FNDC1: variants seen among roughly 807,000 people sequenced by gnomAD.
The protein encoded by FNDC1 is fibronectin type III domain containing 1.
FNDC1 carries 96 observed loss-of-function variants against 168.0 expected under a neutral mutation model. The ratio of observed to expected loss-of-function variants is 0.57; its 90% confidence interval spans 0.48 to 0.68. The LOEUF (loss-of-function observed/expected upper bound fraction) is 0.68. Ranked by LOEUF, FNDC1 falls within the 30% of genes least tolerant of loss-of-function variation. The pLI, the probability that FNDC1 is intolerant of heterozygous loss-of-function variation, is 0.00. For synonymous variants in FNDC1, 1,099 were observed against 1,025.9 expected (o/e 1.07, Z -1.36); for missense variants, 2,587 against 2,482.1 (o/e 1.04, Z -0.90).
chr6:159,173,280 C>T (rs1329522794), intron 1 of FNDC1, among the ~76,000 whole-genome samples: 1 of 37,846 alleles, frequency 2.6e-5, no homozygotes, highest in East Asian at 1.3e-3. Flanking sequence ...GGCTAGTCTC[C>T]GCGCTTCAGA....
In FNDC1 at chr6:159,239,660, A is replaced by G; in HGVS notation, c.4324A>G (p.Lys1442Glu). The change falls in exon 14 of 23, where the codon AAA becomes GAA. Residue 1442 changes from lysine to glutamate, a missense_variant. Coordinates refer to ENST00000297267, the MANE Select transcript of FNDC1 (RefSeq NM_032532.3). ...KPLVGLEVIK[K>E]TTHPPTTTMQ... ...GCTGGTGGGCTTGGAGGTCATCAAA[A>G]AAACCACCCATCCCCCTACCACTAC... 3.9e-6 allele frequency: 6 copies of G among 1,552,122 alleles called. No homozygotes were observed. The highest frequency in any genetic ancestry group is 5.2e-6 in the Non-Finnish European group (6 of 1,147,210).
chr6:159,188,316 A>T (rs993797586), intron 1 of FNDC1, among the ~76,000 whole-genome samples: 1 of 151,208 alleles, frequency 6.6e-6, no homozygotes, highest in Non-Finnish European at 1.5e-5. Flanking sequence ...GCTGCTGTGA[A>T]TGCTCCACTA....
chr6:159,211,449 T>A (rs1364106410), intron 4 of FNDC1, among the ~76,000 whole-genome samples: 1 of 152,240 alleles, frequency 6.6e-6, no homozygotes, highest in Non-Finnish European at 1.5e-5. Context: ...TAGATGTTGA[T>A]GAAGATGAAT....
intron 5 of FNDC1, among the ~76,000 whole-genome samples, chr6:159,217,140 G>A (rs1459489129): frequency 6.6e-6 from 1 of 152,226 alleles, no homozygotes; most frequent in Non-Finnish European, 1.5e-5. Flanking sequence ...CTTCAGACAA[G>A]GAGGGGGATG....
At chr6:159,267,680 A>G (rs1777617979) in intron 21 of FNDC1, 124 bp from the exon 22 acceptor site, 3 of 966,014 alleles carry the variant, frequency 3.1e-6, no homozygotes, top group South Asian at 1.7e-5. Context: ...CATGAAAAAT[A>G]CAGCACACAC....
chr6:159,265,657 C>T (rs779589493), intron 20 of FNDC1, among the ~76,000 whole-genome samples: 3 of 152,180 alleles, frequency 2.0e-5, no homozygotes, highest in African/African-American at 4.8e-5. Context: ...AGGCCGGGCG[C>T]GGTGGCTCAT....
chr6:159,266,374 C>A (rs1777593518), intron 21 of FNDC1, 129 bp downstream of exon 21: 1 of 933,980 alleles, frequency 1.1e-6, no homozygotes, highest in African/African-American at 1.6e-5. Flanking sequence ...CACTCTGCCT[C>A]TAATACAAAC....
At chr6:159,226,918 A>G (rs1272974162) in intron 9 of FNDC1, among the ~76,000 whole-genome samples, 1 of 152,220 alleles carries the variant, frequency 6.6e-6, no homozygotes, top group Non-Finnish European at 1.5e-5. Flanking sequence ...AAGATCACGA[A>G]AGCAGGTGTC....
At chr6:159,269,421 GTAT>G (rs1232848089) in intron 22 of FNDC1, among the ~76,000 whole-genome samples, 2 of 113,078 alleles carry the variant, frequency 1.8e-5, no homozygotes, top group African/African-American at 5.9e-5. Flanking sequence ...ATGTATGTAT[GTAT>G]GTAGGTATCC....
rs140260800 is a variant in FNDC1 at position 159,246,851 on chromosome 6, C to T, written c.4622-50C>T. ...GCTCTGGGGCCTGCTTCTGAGAGAACCCTGGAGAAGGAGCGCTGGATGACT... is the reference window on the plus strand; with the variant it reads ...GCTCTGGGGCCTGCTTCTGAGAGAATCCTGGAGAAGGAGCGCTGGATGACT... On this transcript the variant is annotated intron_variant, in intron 14 of 22. Transcript: ENST00000297267. 12 of 1,349,350 alleles carry T rather than the reference C, an allele frequency of 8.9e-6. No homozygotes were observed. In the African/African-American group the frequency reaches 1.6e-4, roughly 18 times the overall value. 83.6% of individuals were successfully genotyped at this position (1,349,350 alleles called of 1,614,324 possible). A position where few individuals can be genotyped will look rare whatever the true frequency, so the allele number is the denominator to read the frequency against.
intron 14 of FNDC1, among the ~76,000 whole-genome samples, chr6:159,241,523 A>G (rs552490272): frequency 1.3e-5 from 2 of 152,248 alleles, no homozygotes; most frequent in Admixed American, 6.5e-5. Flanking sequence ...AAGCTAAAGA[A>G]TAATTTTCCT....
At position 159,247,928 on chromosome 6, in the gene FNDC1, C is replaced by T. The variant is rs532797815; in HGVS notation, c.4690+959C>T. 2.1e-4 allele frequency among the ~76,000 whole-genome samples: 32 copies of T among 152,246 alleles called. No homozygotes were observed. In the South Asian group the frequency reaches 2.5e-3, roughly 12 times the overall value. On this transcript the variant is annotated intron_variant, in intron 15 of 22. Coordinates refer to ENST00000297267, the MANE Select transcript of FNDC1 (RefSeq NM_032532.3). Reference sequence around the variant, plus strand: ...AAGGAATCTTGTCCACACCCAGTGCCGGCCTTTGACACCAGGGCTCAGGAT... The same window carrying T: ...AAGGAATCTTGTCCACACCCAGTGCTGGCCTTTGACACCAGGGCTCAGGAT...
At chr6:159,264,687 A>T (rs1271653818) in intron 19 of FNDC1, among the ~76,000 whole-genome samples, 2 of 152,164 alleles carry the variant, frequency 1.3e-5, no homozygotes, top group East Asian at 3.8e-4. Context: ...AAGGTAGACA[A>T]TTTTTTTAAA....
chr6:159,232,271 C>A lies in FNDC1; in HGVS notation c.1759C>A (p.Arg587=). The change falls in exon 11 of 23, where the codon CGG becomes AGG. Residue 587 remains arginine (R), a synonymous_variant. Transcript: ENST00000297267. This position sits in a 1 kb window ranked among gnomAD's most constrained non-coding sequence, Gnocchi z 4.9. ...VAPGRTAVRA[R]MPALPRREGV... ...TCCCGGCAGGACTGCAGTGAGGGCC[C>A]GGATGCCAGCGCTGCCCCGAAGGGA... The A allele has an allele frequency of 6.2e-7, 1 of 1,610,328 alleles. No homozygotes were observed. Among genetic ancestry groups the A allele is most frequent in the Non-Finnish European group, 8.5e-7 (1 of 1,178,356 alleles).
intron 21 of FNDC1, among the ~76,000 whole-genome samples, chr6:159,266,771 G>A (rs916691913): frequency 6.7e-6 from 1 of 150,138 alleles, no homozygotes; most frequent in Non-Finnish European, 1.5e-5. Flanking sequence ...TCCAGCCCCT[G>A]ACACAGCCAC....
At chr6:159,227,923 C>A (rs1583887947) in intron 9 of FNDC1, among the ~76,000 whole-genome samples, 1 of 152,208 alleles carries the variant, frequency 6.6e-6, no homozygotes, top group African/African-American at 2.4e-5. Flanking sequence ...CTGTGGGCCA[C>A]AGGTTGAACA....
intron 14 of FNDC1, among the ~76,000 whole-genome samples, chr6:159,244,435 C>T (rs1347608916): frequency 6.6e-6 from 1 of 152,220 alleles, no homozygotes; most frequent in Non-Finnish European, 1.5e-5. Context: ...GTCATTGCCT[C>T]AAGGGCCATC....
intron 4 of FNDC1, among the ~76,000 whole-genome samples, chr6:159,207,424 C>T (rs1490881384): frequency 1.3e-5 from 2 of 152,154 alleles, no homozygotes; most frequent in African/African-American, 4.8e-5. Flanking sequence ...GAAGAACCTA[C>T]AGTAGTTTAA....
At chr6:159,181,507 G>T (rs745993569) in intron 1 of FNDC1, among the ~76,000 whole-genome samples, 3 of 152,220 alleles carry the variant, frequency 2.0e-5, no homozygotes, top group Non-Finnish European at 4.4e-5. Context: ...TAATAAAGAA[G>T]TTGGGATTGC....
Sources: gnomAD v4.1 joint callset for allele counts (sites outside exome capture counted in the v4.1 genomes callset) on GRCh38, gnomAD v4.1.1 for gene constraint, Gnocchi (gnomAD v3.1) non-coding constraint, MANE v1.5 for transcripts, NCBI Gene and HGNC (gene_info 2026-07-23, HGNC 2026-07-21) for gene names.